The following CSMD1 variants were observed in gnomAD, a reference collection of about 807,000 sequenced individuals.
The protein encoded by CSMD1 is CUB and Sushi multiple domains 1.
A neutral mutation model predicts 417.5 loss-of-function variants in CSMD1; 213 were observed. The ratio of observed to expected loss-of-function variants is 0.51; its 90% CI spans 0.46 to 0.57. The LOEUF (loss-of-function observed/expected upper bound fraction) is 0.57, where lower values mean the gene tolerates loss of function less well. CSMD1 is among the 20% of genes least tolerant of loss of function. CSMD1 has a pLI of 0.00. For missense variants in CSMD1, 6,923 were observed against 4,529.7 expected (o/e 1.53, Z -15.17); for synonymous variants, 2,862 against 1,736.8 (o/e 1.65, Z -16.11).
Position 3,223,714 on chromosome 8 carries a change from T to G in CSMD1, c.4484+15A>C, listed in dbSNP as rs367586986. ...AAAATCCTACTAAAAAGAGGTATTC[T>G]GCAAGAGACGGTACCTTTTGAATAT... On this transcript the variant is annotated intron_variant, in intron 28 of 69. Coordinates refer to ENST00000635120, the MANE Select transcript of CSMD1 (RefSeq NM_033225.6). 173 of 1,612,954 alleles carry G rather than the reference T, an allele frequency of 1.1e-4. No homozygotes were observed. Among genetic ancestry groups the G allele is most frequent in the Non-Finnish European group, 2.4e-5 (28 of 1,179,388 alleles).
intron 10 of CSMD1, among the ~76,000 whole-genome samples, chr8:3,509,798 G>C (rs534951972): frequency 6.6e-6 from 1 of 152,146 alleles, no homozygotes; most frequent in Admixed American, 6.5e-5. Flanking sequence ...TGGAGCACAC[G>C]TCTGTCAGCC....
At chr8:4,245,858 T>G (rs184034874) in intron 3 of CSMD1, among the ~76,000 whole-genome samples, 356 of 152,318 alleles carry the variant, frequency 2.3e-3, no homozygotes, top group Non-Finnish European at 4.1e-3. Flanking sequence ...ACATAATCTT[T>G]GAACATAGGA....
At chr8:3,966,720 T>C (rs1812697299) in intron 5 of CSMD1, among the ~76,000 whole-genome samples, 1 of 140,384 alleles carries the variant, frequency 7.1e-6, no homozygotes. Flanking sequence ...GCTGCAGGCA[T>C]TCACACACAC....
At chr8:3,988,274 G>T (rs1228194361) in intron 5 of CSMD1, among the ~76,000 whole-genome samples, 2 of 152,096 alleles carry the variant, frequency 1.3e-5, no homozygotes, top group Admixed American at 1.3e-4. Context: ...TGTCCCAGAA[G>T]GCCATTATAA....
intron 3 of CSMD1, among the ~76,000 whole-genome samples, chr8:4,188,077 A>AAAG (rs1798788497): frequency 6.6e-6 from 1 of 152,130 alleles, no homozygotes. Context: ...AACAAATAGA[A>AAAG]AAGTGACTGC....
intron 1 of CSMD1, among the ~76,000 whole-genome samples, chr8:4,903,057 T>G (rs1249264602): frequency 6.6e-6 from 1 of 151,318 alleles, no homozygotes; most frequent in Non-Finnish European, 1.5e-5. Flanking sequence ...ATAATAAACT[T>G]TGAATACTGT....
intron 3 of CSMD1, among the ~76,000 whole-genome samples, chr8:4,116,138 C>T (rs570230587): frequency 5.6e-4 from 85 of 151,928 alleles, no homozygotes; most frequent in African/African-American, 1.9e-3. Context: ...GATTTACAGG[C>T]GCGTACCACC....
At chr8:3,618,114 G>A (rs988810197) in intron 7 of CSMD1, among the ~76,000 whole-genome samples, 5 of 152,006 alleles carry the variant, frequency 3.3e-5, no homozygotes, top group South Asian at 2.1e-4. Flanking sequence ...CGATACTCCC[G>A]TCTCAGCCTC....
At chr8:4,947,748 T>C (rs533507497) in intron 1 of CSMD1, among the ~76,000 whole-genome samples, 40 of 152,224 alleles carry the variant, frequency 2.6e-4, no homozygotes, top group African/African-American at 9.6e-4. Flanking sequence ...CTTGATACAT[T>C]ATAAAACTAG....
intron 2 of CSMD1, among the ~76,000 whole-genome samples, chr8:4,563,567 C>T (rs1408930752): frequency 2.0e-5 from 3 of 152,208 alleles, no homozygotes; most frequent in African/African-American, 7.2e-5. Context: ...AACTGTAGTG[C>T]TTTCCTTATA....
At chr8:4,849,882 G>C (rs186722678) in intron 1 of CSMD1, among the ~76,000 whole-genome samples, 1 of 152,196 alleles carries the variant, frequency 6.6e-6, no homozygotes. Context: ...CATTGCTCAT[G>C]GGTATATTAG....
chr8:4,917,091 G>T (rs765976418), intron 1 of CSMD1, among the ~76,000 whole-genome samples: 3 of 152,180 alleles, frequency 2.0e-5, no homozygotes, highest in Non-Finnish European at 4.4e-5. Context: ...AGGAAGCACG[G>T]CTGTGGAGGC....
chr8:3,109,279 A>T (rs566083254), intron 43 of CSMD1, among the ~76,000 whole-genome samples: 5 of 152,308 alleles, frequency 3.3e-5, no homozygotes, highest in South Asian at 2.1e-4. Context: ...GAAATAAATT[A>T]AAAAAATAAA....
intron 10 of CSMD1, among the ~76,000 whole-genome samples, chr8:3,527,601 C>G (rs1283838233): frequency 6.6e-6 from 1 of 152,066 alleles, no homozygotes; most frequent in African/African-American, 2.4e-5. Flanking sequence ...CACACACACA[C>G]ACGGGCATCT....
intron 1 of CSMD1, among the ~76,000 whole-genome samples, chr8:4,948,615 A>G (rs1464450489): frequency 6.6e-6 from 1 of 152,064 alleles, no homozygotes; most frequent in African/African-American, 2.4e-5. Flanking sequence ...TCTCAATTAC[A>G]TTATAAAATT....
intron 20 of CSMD1, among the ~76,000 whole-genome samples, chr8:3,362,708 T>A (rs1190451567): frequency 1.3e-5 from 2 of 152,188 alleles, no homozygotes; most frequent in African/African-American, 4.8e-5. Context: ...CAAACCTGCT[T>A]TGCTTCCAGT....
chr8:3,538,142 G>C (rs1371404611), intron 10 of CSMD1, among the ~76,000 whole-genome samples: 3 of 152,218 alleles, frequency 2.0e-5, no homozygotes, highest in African/African-American at 7.2e-5. Context: ...TGGACTTCTA[G>C]ATTTACATCT....
chr8:4,732,015 G>A (rs778668646), intron 1 of CSMD1, among the ~76,000 whole-genome samples: 1 of 152,124 alleles, frequency 6.6e-6, no homozygotes, highest in Non-Finnish European at 1.5e-5. Flanking sequence ...AGAAGACTGA[G>A]GAGCCAGTGT....
intron 3 of CSMD1, among the ~76,000 whole-genome samples, chr8:4,146,345 T>C (rs762556945): frequency 3.8e-4 from 58 of 150,774 alleles, no homozygotes; most frequent in Non-Finnish European, 4.9e-4. Flanking sequence ...GGATTCATTC[T>C]GATAAGCTTC....
Sources: gnomAD v4.1 joint callset for allele counts (sites outside exome capture counted in the v4.1 genomes callset) on GRCh38, gnomAD v4.1.1 for gene constraint, MANE v1.5 for transcripts, NCBI Gene and HGNC (gene_info 2026-07-23, HGNC 2026-07-21) for gene names.